Variants in GABRB3 observed in about 807,000 individuals in gnomAD.
GABRB3 encodes the protein gamma-aminobutyric acid type A receptor subunit beta3.
A neutral mutation model predicts 52.1 loss-of-function variants in GABRB3; 14 were observed. That is an observed-to-expected ratio of 0.27 (90% CI 0.18 to 0.42). The LOEUF is 0.42. Ranked by LOEUF, GABRB3 falls within the 10% of genes least tolerant of loss-of-function variation. The pLI is 1.00. For missense variants in GABRB3, 307 were observed against 609.1 expected (o/e 0.50, Z 5.22); for synonymous variants, 260 against 232.3 (o/e 1.12, Z -1.08).
chr15:26,746,185 C>CT (rs71420030), intron 3 of GABRB3, among the ~76,000 whole-genome samples: 37,635 of 150,370 alleles, frequency 0.25, 4,870 homozygotes, highest in Non-Finnish European at 0.28. Flanking sequence ...CTCACTGTGG[C>CT]TTTTTTTTTG....
At chr15:26,636,472 T>C (rs780847674) in intron 3 of GABRB3, among the ~76,000 whole-genome samples, 2 of 152,188 alleles carry the variant, frequency 1.3e-5, no homozygotes, top group Non-Finnish European at 2.9e-5. Flanking sequence ...TTTTTAATGC[T>C]AGAGGGCCCC....
At chr15:26,747,146 G>T (rs143283469) in intron 3 of GABRB3, among the ~76,000 whole-genome samples, 100 of 152,294 alleles carry the variant, frequency 6.6e-4, no homozygotes, top group South Asian at 1.5e-3. Context: ...CCCAGACTGG[G>T]ATTCTCCTCA....
intron 4 of GABRB3, among the ~76,000 whole-genome samples, chr15:26,608,494 T>A (rs60240867): frequency 6.6e-6 from 1 of 151,838 alleles, no homozygotes; most frequent in Admixed American, 6.6e-5. Context: ...AAACAATGAA[T>A]ACTATACAAA....
chr15:26,641,620 C>T (rs532225368), intron 3 of GABRB3, among the ~76,000 whole-genome samples: 3 of 152,344 alleles, frequency 2.0e-5, no homozygotes, highest in South Asian at 4.1e-4. Flanking sequence ...ATCACATCTG[C>T]CTCTGGTCAT....
intron 3 of GABRB3, among the ~76,000 whole-genome samples, chr15:26,764,047 G>A (rs1890895771): frequency 6.7e-6 from 1 of 150,354 alleles, no homozygotes; most frequent in Non-Finnish European, 1.5e-5. Flanking sequence ...CTACTGGAGA[G>A]GCTGAGGCAA....
At chr15:26,633,570 C>A (rs1284349135) in intron 3 of GABRB3, among the ~76,000 whole-genome samples, 1 of 152,130 alleles carries the variant, frequency 6.6e-6, no homozygotes, top group African/African-American at 2.4e-5. Flanking sequence ...ACCGGCAGCC[C>A]CTTCCTCAAG....
At chr15:26,652,341 G>T (rs1274492671) in intron 3 of GABRB3, among the ~76,000 whole-genome samples, 1 of 152,072 alleles carries the variant, frequency 6.6e-6, no homozygotes, top group Admixed American at 6.6e-5. Context: ...GTAACTTAAC[G>T]GCCTCAGGAG....
At chr15:26,754,042 T>C (rs916940168) in intron 3 of GABRB3, among the ~76,000 whole-genome samples, 26 of 152,202 alleles carry the variant, frequency 1.7e-4, no homozygotes, top group African/African-American at 5.8e-4. Flanking sequence ...CTCCAGTGTG[T>C]GGGCTTGCTT....
At chr15:26,615,828 A>AG (rs2140525696) in intron 4 of GABRB3, 1 of 1,215,094 alleles carries the variant, frequency 8.2e-7, no homozygotes, top group East Asian at 5.8e-5. Context: ...CTCAGTGTCC[A>AG]GGGGTGAGAG....
intron 3 of GABRB3, chr15:26,624,715 C>T (rs1892619442): frequency 1.0e-6 from 1 of 984,310 alleles, no homozygotes; most frequent in East Asian, 1.1e-4. Context: ...AGGACTATCA[C>T]ATCAGTGGGG....
At chr15:26,697,825 G>A (rs1389130967) in intron 3 of GABRB3, among the ~76,000 whole-genome samples, 1 of 152,144 alleles carries the variant, frequency 6.6e-6, no homozygotes, top group East Asian at 1.9e-4. Flanking sequence ...TTGAGGACCA[G>A]GCAACCACGC....
chr15:26,735,759 G>A (rs1566823885), intron 3 of GABRB3, among the ~76,000 whole-genome samples: 1 of 151,792 alleles, frequency 6.6e-6, no homozygotes, highest in Non-Finnish European at 1.5e-5. Context: ...GACCAGCCTG[G>A]GCAATATAGG....
intron 3 of GABRB3, among the ~76,000 whole-genome samples, chr15:26,658,914 A>G (rs1252462792): frequency 6.6e-6 from 1 of 152,240 alleles, no homozygotes; most frequent in Non-Finnish European, 1.5e-5. Flanking sequence ...TTTGGATGAT[A>G]GGTCATAGGT....
intron 3 of GABRB3, among the ~76,000 whole-genome samples, chr15:26,652,097 C>T (rs1219665192): frequency 6.6e-6 from 1 of 152,142 alleles, no homozygotes; most frequent in Non-Finnish European, 1.5e-5. Flanking sequence ...GAGCCTTAGC[C>T]CCACAACCCC....
chr15:26,644,275 G>A (rs917258493), intron 3 of GABRB3, among the ~76,000 whole-genome samples: 20 of 152,334 alleles, frequency 1.3e-4, no homozygotes, highest in Admixed American at 3.3e-4. Flanking sequence ...ATATGTTGGG[G>A]TTCTGAGCCC....
intron 5 of GABRB3, among the ~76,000 whole-genome samples, 197 bp downstream of exon 5, chr15:26,583,135 A>G (rs1011158159): frequency 6.6e-6 from 1 of 152,158 alleles, no homozygotes; most frequent in Non-Finnish European, 1.5e-5. Context: ...AGCGCAGCAA[A>G]CAGACTCTCT....
intron 3 of GABRB3, chr15:26,716,829 AGG>A (rs1889487257): frequency 1.9e-6 from 2 of 1,070,504 alleles, no homozygotes; most frequent in Admixed American, 4.7e-5. Flanking sequence ...CCCAGCTCTG[AGG>A]ACCTCCACCC....
At chr15:26,718,500 C>T (rs920452290) in intron 3 of GABRB3, among the ~76,000 whole-genome samples, 10 of 152,188 alleles carry the variant, frequency 6.6e-5, no homozygotes, top group African/African-American at 9.7e-5. Context: ...TGAGCCACCG[C>T]GCCCAGCCTT....
intron 4 of GABRB3, among the ~76,000 whole-genome samples, chr15:26,606,724 G>T (rs182786498): frequency 9.6e-6 from 1 of 104,094 alleles, no homozygotes; most frequent in Non-Finnish European, 2.1e-5. Flanking sequence ...AATTGTCAAC[G>T]CAATCATATA....
Sources: gnomAD v4.1 joint callset for allele counts (sites outside exome capture counted in the v4.1 genomes callset) on GRCh38, gnomAD v4.1.1 for gene constraint, MANE v1.5 for transcripts, NCBI Gene and HGNC (gene_info 2026-07-23, HGNC 2026-07-21) for gene names.